CYP26B1: variants seen among roughly 807,000 people sequenced by gnomAD.
CYP26B1 encodes the protein cytochrome P450 family 26 subfamily B member 1.
In CYP26B1, 8 loss-of-function variants were observed where a neutral mutation model predicts 39.1. The observed-to-expected ratio is 0.20, with a 90% CI of 0.12 to 0.37. The LOEUF is 0.37. Among genes scored for constraint, CYP26B1 ranks in the 10% least tolerant of loss-of-function variants. The pLI, the probability that CYP26B1 is intolerant of heterozygous loss-of-function variation, is 1.00. For synonymous variants in CYP26B1, 321 were observed against 314.3 expected (o/e 1.02, Z -0.23); for missense variants, 615 against 707.0 (o/e 0.87, Z 1.48).
At chr2:72,141,910 A>C (rs1218624084) in intron 2 of CYP26B1, among the ~76,000 whole-genome samples, 1 of 152,032 alleles carries the variant, frequency 6.6e-6, no homozygotes, top group Non-Finnish European at 1.5e-5. Flanking sequence ...GCAAGCATAA[A>C]ACTGCTACAC....
chr2:72,144,249 A>G (rs1434776619), intron 1 of CYP26B1, 36 bp from the exon 2 acceptor site: 2 of 1,565,448 alleles, frequency 1.3e-6, no homozygotes, highest in Admixed American at 1.7e-5. Flanking sequence ...CTCAGGGTGC[A>G]CTTCTGCAGA....
At chr2:72,145,037 C>T (rs1677080719) in intron 1 of CYP26B1, among the ~76,000 whole-genome samples, 2 of 152,086 alleles carry the variant, frequency 1.3e-5, no homozygotes, top group Admixed American at 1.3e-4. Context: ...CAAGGGCGTC[C>T]CGCTCACCTT....
intron 4 of CYP26B1, 112 bp downstream of exon 4, chr2:72,134,649 G>T: frequency 4.7e-6 from 7 of 1,489,260 alleles, no homozygotes; most frequent in East Asian, 2.5e-5. Flanking sequence ...GAAAGCATGT[G>T]TGGGGCCAGA....
In CYP26B1 at chr2:72,131,989, G is replaced by A. The variant is rs566441456; in HGVS notation, c.*238C>T. On this transcript the variant is annotated 3_prime_UTR_variant, in exon 6 of 6. Coordinates refer to ENST00000001146, the MANE Select transcript of CYP26B1 (RefSeq NM_019885.4). ...GAGCCCCTGCCACGCCCTTCCCAGG[G>A]GCTGAGCTGATGGTAAATGGGGAGT... is the stretch of plus-strand genomic sequence containing the variant. 6 of 587,622 alleles carry A rather than the reference G, an allele frequency of 1.0e-5. No individual in the cohort carries two copies. Among genetic ancestry groups the A allele is most frequent in the African/African-American group, 7.5e-5 (4 of 53,624 alleles). 36.4% of individuals were successfully genotyped at this position (587,622 alleles called of 1,614,324 possible).
At chr2:72,138,077 T>C (rs1266918344) in intron 2 of CYP26B1, among the ~76,000 whole-genome samples, 1 of 151,828 alleles carries the variant, frequency 6.6e-6, no homozygotes, top group African/African-American at 2.4e-5. Context: ...CACCGTGAGA[T>C]GGAGAAACCG....
intron 2 of CYP26B1, among the ~76,000 whole-genome samples, chr2:72,142,408 G>A (rs1240889542): frequency 6.6e-6 from 1 of 152,224 alleles, no homozygotes; most frequent in Non-Finnish European, 1.5e-5. Context: ...CTCCTCCGGG[G>A]CCCAGAGACT....
Position 72,132,320 on chromosome 2 carries a change from G to A in CYP26B1, c.1446C>T (p.Pro482=), listed in dbSNP as rs368847380. 3.9e-5 allele frequency: 63 copies of A among 1,609,702 alleles called. No homozygotes were observed. Among genetic ancestry groups the A allele is most frequent in the Non-Finnish European group, 4.9e-5 (58 of 1,178,234 alleles). ...PRITLVPVLH[P]VDGLSVKFFG... ...AGAACTTGACGCTGAGGCCATCCACGGGGTGCAGGACGGGGACCAAGGTGA... is the reference window on the plus strand; with the variant it reads ...AGAACTTGACGCTGAGGCCATCCACAGGGTGCAGGACGGGGACCAAGGTGA... The change falls in exon 6 of 6, where the codon CCC becomes CCT. Residue 482 remains proline, a synonymous_variant. Coordinates refer to ENST00000001146, the MANE Select transcript of CYP26B1 (RefSeq NM_019885.4).
At chr2:72,145,581 G>A (rs1481872999) in intron 1 of CYP26B1, among the ~76,000 whole-genome samples, 1 of 152,226 alleles carries the variant, frequency 6.6e-6, no homozygotes, top group Non-Finnish European at 1.5e-5. Flanking sequence ...CCCTCCGTCT[G>A]CTATACCCGT....
At chr2:72,139,190 G>T (rs1203567906) in intron 2 of CYP26B1, among the ~76,000 whole-genome samples, 1 of 152,180 alleles carries the variant, frequency 6.6e-6, no homozygotes, top group Non-Finnish European at 1.5e-5. Flanking sequence ...CTGCCCAGGA[G>T]GGGTGGGGGC....
At chr2:72,137,544 G>A (rs1017726605) in intron 2 of CYP26B1, among the ~76,000 whole-genome samples, 1 of 151,978 alleles carries the variant, frequency 6.6e-6, no homozygotes, top group Non-Finnish European at 1.5e-5. Context: ...GTGGCCAGGA[G>A]GGGCCATCCC....
chr2:72,145,478 C>G (rs1258903261), intron 1 of CYP26B1, among the ~76,000 whole-genome samples: 1 of 152,170 alleles, frequency 6.6e-6, no homozygotes, highest in Non-Finnish European at 1.5e-5. Flanking sequence ...TTCCCCCTGC[C>G]GTGCAGCCCT....
intron 2 of CYP26B1, among the ~76,000 whole-genome samples, 183 bp from the exon 3 acceptor site, chr2:72,135,602 A>G (rs992114184): frequency 2.0e-5 from 3 of 152,188 alleles, no homozygotes; most frequent in Non-Finnish European, 2.9e-5. Flanking sequence ...TGTGAGGGGC[A>G]TAAGTGGGGG....
chr2:72,132,446 G>T lies in CYP26B1; in HGVS notation c.1320C>A (p.Thr440=), dbSNP rs762611388. ...GCTTGGCCAGGTGCTTGCCCAGGCAGGTCCGGACACCGCCACCGAACGGGA... is the reference window on the plus strand; with the variant it reads ...GCTTGGCCAGGTGCTTGCCCAGGCATGTCCGGACACCGCCACCGAACGGGA... The part of the protein sequence containing the change: ...HYLPFGGGVR[T]CLGKHLAKLF... The change falls in exon 6 of 6, where the codon ACC becomes ACA. Residue 440 remains threonine, a synonymous_variant. Coordinates refer to ENST00000001146, the MANE Select transcript of CYP26B1 (RefSeq NM_019885.4). 1 of 1,613,426 alleles carries T rather than the reference G, an allele frequency of 6.2e-7. No homozygotes were observed. Among genetic ancestry groups the T allele is most frequent in the East Asian group, 2.2e-5 (1 of 44,880 alleles).
At chr2:72,137,787 C>A (rs982025926) in intron 2 of CYP26B1, among the ~76,000 whole-genome samples, 1 of 152,200 alleles carries the variant, frequency 6.6e-6, no homozygotes, top group South Asian at 2.1e-4. Flanking sequence ...GGGGTCCACA[C>A]CTGACCCCTG....
rs1193985879 is a variant in CYP26B1, at chr2:72,147,410, T to C, written c.204+221A>G. 6.6e-6 allele frequency among the ~76,000 whole-genome samples: 1 copy of C among 152,026 alleles called. No individual in the cohort carries two copies. The highest frequency in any genetic ancestry group is 6.5e-5 in the Admixed American group (1 of 15,274). ...GCCCCCTCAGGTCCGGGAACCCCTC[T>C]TACCAGCCCCCTGAACCTGCGCCGC... On this transcript the variant is annotated intron_variant, in intron 1 of 5. Transcript: ENST00000001146. This position sits in a 1 kb window ranked among gnomAD's most constrained non-coding sequence, Gnocchi z 6.1.
chr2:72,142,468 C>T (rs1472954616), intron 2 of CYP26B1, among the ~76,000 whole-genome samples: 1 of 152,222 alleles, frequency 6.6e-6, no homozygotes, highest in African/African-American at 2.4e-5. Flanking sequence ...CCGAAATTTT[C>T]TTTGTCTCCT....
chr2:72,140,916 T>A (rs1676925606), intron 2 of CYP26B1, among the ~76,000 whole-genome samples: 1 of 152,152 alleles, frequency 6.6e-6, no homozygotes, highest in African/African-American at 2.4e-5. Flanking sequence ...ACTCTCCAGG[T>A]TCCCTGAGGG....
At chr2:72,141,872 G>C (rs902828503) in intron 2 of CYP26B1, among the ~76,000 whole-genome samples, 1 of 152,068 alleles carries the variant, frequency 6.6e-6, no homozygotes, top group African/African-American at 2.4e-5. Context: ...TTTCTCATTC[G>C]ACCCTCCCCA....
intron 4 of CYP26B1, among the ~76,000 whole-genome samples, chr2:72,134,116 T>G (rs77317602): frequency 3.9e-5 from 6 of 152,054 alleles, no homozygotes; most frequent in Admixed American, 6.5e-5. Context: ...AGGAAAGAAG[T>G]TGGAGCTAGA....
Sources: gnomAD v4.1 joint callset for allele counts (sites outside exome capture counted in the v4.1 genomes callset) on GRCh38, gnomAD v4.1.1 for gene constraint, Gnocchi (gnomAD v3.1) non-coding constraint, MANE v1.5 for transcripts, NCBI Gene and HGNC (gene_info 2026-07-23, HGNC 2026-07-21) for gene names.